Variants in JTB observed in about 807,000 individuals in gnomAD.
JTB encodes the protein protein JTB.
In JTB, 10 loss-of-function variants were observed where a neutral mutation model predicts 22.1. That is an observed-to-expected ratio of 0.45 (90% CI 0.28 to 0.77). The LOEUF (loss-of-function observed/expected upper bound fraction) is 0.77. Ranked by LOEUF, JTB falls within the 30% of genes least tolerant of loss-of-function variation. The probability of loss-of-function intolerance (pLI) is 0.13; values close to 1 mark genes in which losing one functional copy is unlikely to be tolerated. For synonymous variants in JTB, 83 were observed against 66.8 expected (o/e 1.24, Z -1.18); for missense variants, 137 against 180.3 (o/e 0.76, Z 1.38).
intron 3 of JTB, among the ~76,000 whole-genome samples, chr1:153,976,204 C>T (rs1344691038): frequency 6.6e-6 from 1 of 152,200 alleles, no homozygotes. Flanking sequence ...CGGCTCACGC[C>T]TATAATCCCA....
At chr1:153,976,325 G>A (rs946149437) in intron 3 of JTB, among the ~76,000 whole-genome samples, 4 of 152,200 alleles carry the variant, frequency 2.6e-5, no homozygotes, top group Admixed American at 2.6e-4. Context: ...GCCAGGCATG[G>A]TGCAACGCGC....
At position 153,977,211 on chromosome 1, in the gene JTB, G is replaced by T. The variant is rs747018707; in HGVS notation, c.42C>A (p.Arg14=). 3.1e-6 allele frequency: 5 copies of T among 1,614,168 alleles called. No individual in the cohort carries two copies. The South Asian group carries it at 5.5e-5, about 18-fold the overall frequency. ...AAGCACAGAGCAACCAGCAGAGGTGGCGGCCCTGGGGGAGGCCAGGCCTCC... is the reference window on the plus strand; with the variant it reads ...AAGCACAGAGCAACCAGCAGAGGTGTCGGCCCTGGGGGAGGCCAGGCCTCC... ...GAGRPGLPQG[R]HLCWLLCAFT... Residue 14 remains arginine (R), a synonymous_variant, in exon 1 of 5, where the codon CGC becomes CGA. Transcript: ENST00000271843.
chr1:153,974,580 C>T lies in JTB; in HGVS notation c.*99G>A, dbSNP rs1026441760. 3 of 1,008,998 alleles carry T rather than the reference C, an allele frequency of 3.0e-6. No individual in the cohort carries two copies. Among genetic ancestry groups the T allele is most frequent in the East Asian group, 2.4e-5 (1 of 41,400 alleles). 62.5% of individuals were successfully genotyped at this position (1,008,998 alleles called of 1,614,324 possible). On this transcript the variant is annotated 3_prime_UTR_variant, in exon 5 of 5. Coordinates refer to ENST00000271843, the MANE Select transcript of JTB (RefSeq NM_006694.4). Reference sequence around the variant, plus strand: ...AGAAGATGGGGAAAAGGGGATTCCACCACAAGGCTCCAAAGAACCAAGAGT... The same window carrying T: ...AGAAGATGGGGAAAAGGGGATTCCATCACAAGGCTCCAAAGAACCAAGAGT...
Position 153,977,245 on chromosome 1 carries a change from G to GC in JTB, c.7dup (p.Ala3GlyfsTer63). The GC allele has an allele frequency of 1.2e-6, 2 of 1,614,046 alleles. No individual in the cohort carries two copies. Among genetic ancestry groups the GC allele is most frequent in the Non-Finnish European group, 1.7e-6 (2 of 1,180,016 alleles). On this transcript the variant is annotated frameshift_variant, in exon 1 of 5. Coordinates refer to ENST00000271843, the MANE Select transcript of JTB (RefSeq NM_006694.4). LOFTEE classifies it high-confidence loss of function. The stretch of plus-strand genomic sequence containing the variant: ...GGGGAGGCCAGGCCTCCCGGCACCC[G>GC]CAAGCATGGAGCGCCAAGTGTCGCA...
rs1361451579 is a variant in JTB, at chr1:153,974,683, A to G, written c.437T>C (p.Ile146Thr). The change falls in exon 5 of 5, where the codon ATA becomes ACA. Residue 146 changes from isoleucine to threonine, a missense_variant. Transcript: ENST00000271843. ...GGATACAAGGGTGGAATGTAGCTATATGGACTCGATTTGCTTCCGGACCTT... is the reference window on the plus strand; with the variant it reads ...GGATACAAGGGTGGAATGTAGCTATGTGGACTCGATTTGCTTCCGGACCTT... ...LEKVRKQIES[I>T] 1 of 1,612,166 alleles carries G rather than the reference A, an allele frequency of 6.2e-7. No individual in the cohort carries two copies. Among genetic ancestry groups the G allele is most frequent in the East Asian group, 2.2e-5 (1 of 44,792 alleles).
rs1390813742 is a variant in JTB at position 153,976,692 on chromosome 1, C to T, written c.204+1G>A. The T allele has an allele frequency of 6.2e-7, 1 of 1,612,026 alleles. No homozygotes were observed. The highest frequency in any genetic ancestry group is 8.5e-7 in the Non-Finnish European group (1 of 1,178,580). On this transcript the variant is annotated splice_donor_variant, in intron 3 of 4. Transcript: ENST00000271843. LOFTEE classifies it high-confidence loss of function. The stretch of plus-strand genomic sequence containing the variant: ...AAAAGGGTAGAGAAATAGATACTCA[C>T]AGCCCGGAAATTAGAGCATGGAGAG...
chr1:153,976,658 T>TA, intron 3 of JTB, 35 bp downstream of exon 3: 1 of 1,541,652 alleles, frequency 6.5e-7, no homozygotes, highest in Non-Finnish European at 8.9e-7. Flanking sequence ...GCTTAGATGT[T>TA]TAAAAAAAAA....
Position 153,974,311 on chromosome 1 carries a change from G to T in JTB, c.*368C>A, listed in dbSNP as rs1217717841. On this transcript the variant is annotated 3_prime_UTR_variant, in exon 5 of 5. Transcript: ENST00000271843. The stretch of plus-strand genomic sequence containing the variant: ...GATTTTATTTCTTCTTTGGGTATAG[G>T]GTTGAGGGGAAATAAGTTTTGAGTG... The T allele has an allele frequency of 8.5e-6, 4 of 472,674 alleles. No homozygotes were observed. The highest frequency in any genetic ancestry group is 1.5e-5 in the Non-Finnish European group (4 of 266,114). The allele number at this position is 472,674 out of a possible 1,614,324, so 29.3% of individuals were successfully genotyped here.
chr1:153,976,169 CAT>C (rs562027516), intron 3 of JTB, among the ~76,000 whole-genome samples: 6 of 152,126 alleles, frequency 3.9e-5, no homozygotes, highest in South Asian at 2.1e-4. Flanking sequence ...GTGAATAAAA[CAT>C]AGTTATTTGA....
At chr1:153,975,777 A>C (rs1648775242) in intron 4 of JTB, 49 bp downstream of exon 4, 3 of 1,446,890 alleles carry the variant, frequency 2.1e-6, no homozygotes, top group Non-Finnish European at 2.9e-6. Flanking sequence ...ATCCATCTAA[A>C]GTCATAGGAG....
At chr1:153,976,831 C>T in intron 2 of JTB, 56 bp from the exon 3 acceptor site, 1 of 1,603,188 alleles carries the variant, frequency 6.2e-7, no homozygotes, top group Non-Finnish European at 8.5e-7. Flanking sequence ...TTCTCCCAGG[C>T]TCTGCCCATC....
rs142653474 is a variant in JTB, at chr1:153,975,524, G to C, written c.284+302C>G. On this transcript the variant is annotated intron_variant, in intron 4 of 4. Coordinates refer to ENST00000271843, the MANE Select transcript of JTB (RefSeq NM_006694.4). ...TCTAACCTCTGCCTCCTGGGTTCAAGTGATTCTCCCTGCCTCAGCCTCCCA... is the reference window on the plus strand; with the variant it reads ...TCTAACCTCTGCCTCCTGGGTTCAACTGATTCTCCCTGCCTCAGCCTCCCA... Among the ~76,000 whole-genome samples, 28 of 148,648 alleles carry C rather than the reference G, an allele frequency of 1.9e-4. No individual in the cohort carries two copies. The East Asian group carries it at 4.8e-3, about 26-fold the overall frequency.
intron 4 of JTB, 64 bp downstream of exon 4, chr1:153,975,762 G>C: frequency 7.7e-7 from 1 of 1,296,844 alleles, no homozygotes; most frequent in South Asian, 1.2e-5. Context: ...GGAAAAGGTG[G>C]GACCATCCAT....
At position 153,977,331 on chromosome 1, in the gene JTB, G is replaced by A; in HGVS notation, c.-79C>T. The A allele has an allele frequency of 1.3e-6, 2 of 1,572,904 alleles. No homozygotes were observed. The highest frequency in any genetic ancestry group is 1.8e-5 in the Admixed American group (1 of 54,288). On this transcript the variant is annotated 5_prime_UTR_variant, in exon 1 of 5. Coordinates refer to ENST00000271843, the MANE Select transcript of JTB (RefSeq NM_006694.4). ...GTGCCTCCGTCGGAGCGCAGAGGCG[G>A]CACTTACTCTGCAGCCCTCCCAGAG...
chr1:153,974,760 G>A lies in JTB; in HGVS notation c.360C>T (p.Phe120=), dbSNP rs554409332. 39 of 1,613,752 alleles carry A rather than the reference G, an allele frequency of 2.4e-5. No individual in the cohort carries two copies. The highest frequency in any genetic ancestry group is 1.1e-4 in the South Asian group (10 of 91,056). The change falls in exon 5 of 5, where the codon TTC becomes TTT. Residue 120 remains phenylalanine (F), a synonymous_variant. Coordinates refer to ENST00000271843, the MANE Select transcript of JTB (RefSeq NM_006694.4). The part of the protein sequence containing the change: ...EGAVVCVALI[F]ACLVIIRQRQ... ...GCTGACGAATGATGACAAGACAAGC[G>A]AAGATCAGGGCCACACACACGACAG...
rs1648833725 is a variant in JTB at position 153,977,403 on chromosome 1, G to A, written c.-151C>T. The A allele has an allele frequency of 4.2e-6, 6 of 1,423,198 alleles. No homozygotes were observed. The South Asian group carries it at 9.3e-5, about 22-fold the overall frequency. The allele number at this position is 1,423,198 out of a possible 1,614,324, so 88.2% of individuals were successfully genotyped here. A position where few individuals can be genotyped will look rare whatever the true frequency, so the allele number is the denominator to read the frequency against. ...GGCCGGAGTTGCCTATTGGAGCAGAGGATCTATCAGGACGTCCCCGTTGCC... is the reference window on the plus strand; with the variant it reads ...GGCCGGAGTTGCCTATTGGAGCAGAAGATCTATCAGGACGTCCCCGTTGCC... On this transcript the variant is annotated 5_prime_UTR_variant, in exon 1 of 5. Coordinates refer to ENST00000271843, the MANE Select transcript of JTB (RefSeq NM_006694.4).
Position 153,975,836 on chromosome 1 carries a change from C to A in JTB, c.274G>T (p.Glu92Ter), listed in dbSNP as rs1557888890. ...AGAAACAGCACTCACCTTTTGAACT[C>A]ATTTCTCTTAGATGAGCTGCATGTG... ...KITCSSSKRN[E>*]FKSCRSALME... The change falls in exon 4 of 5, where the codon GAG becomes TAG. Residue 92 changes from glutamate (E) to a stop codon, truncating the protein, a stop_gained. Coordinates refer to ENST00000271843, the MANE Select transcript of JTB (RefSeq NM_006694.4). LOFTEE classifies it high-confidence loss of function. 1 of 1,613,712 alleles carries A rather than the reference C, an allele frequency of 6.2e-7. No individual in the cohort carries two copies. Among genetic ancestry groups the A allele is most frequent in the Non-Finnish European group, 8.5e-7 (1 of 1,179,612 alleles).
rs1203291950 is a variant in JTB, at chr1:153,977,557, C to T, written c.-305G>A. 1.1e-5 allele frequency: 12 copies of T among 1,115,384 alleles called. No homozygotes were observed. Among genetic ancestry groups the T allele is most frequent in the Non-Finnish European group, 1.2e-5 (11 of 908,850 alleles). The allele number at this position is 1,115,384 out of a possible 1,614,324, so 69.1% of individuals were successfully genotyped here. ...GCGCCCGCTCACCTCCGCTCCCGCCCCCGACGCAGCCATCTAGCCCCGTGG... is the reference window on the plus strand; with the variant it reads ...GCGCCCGCTCACCTCCGCTCCCGCCTCCGACGCAGCCATCTAGCCCCGTGG... On this transcript the variant is annotated 5_prime_UTR_variant, in exon 1 of 5. Transcript: ENST00000271843.
chr1:153,977,641 T>C lies in JTB; in HGVS notation c.-389A>G. 1 of 1,004,836 alleles carries C rather than the reference T, an allele frequency of 1.0e-6. No homozygotes were observed. Among genetic ancestry groups the C allele is most frequent in the African/African-American group, 1.7e-5 (1 of 57,652 alleles). The allele number at this position is 1,004,836 out of a possible 1,614,324, so 62.2% of individuals were successfully genotyped here. A position where few individuals can be genotyped will look rare whatever the true frequency, so the allele number is the denominator to read the frequency against. Reference sequence around the variant, plus strand: ...CGGTGTTCCCGGGGGCGTTCGGTCGTCGCCCGCTGGGGCTTATAGTCTTCC... The same window carrying C: ...CGGTGTTCCCGGGGGCGTTCGGTCGCCGCCCGCTGGGGCTTATAGTCTTCC... On this transcript the variant is annotated 5_prime_UTR_variant, in exon 1 of 5. Coordinates refer to ENST00000271843, the MANE Select transcript of JTB (RefSeq NM_006694.4).
Sources: gnomAD v4.1 joint callset for allele counts (sites outside exome capture counted in the v4.1 genomes callset) on GRCh38, gnomAD v4.1.1 for gene constraint, MANE v1.5 for transcripts, NCBI Gene and HGNC (gene_info 2026-07-23, HGNC 2026-07-21) for gene names.